Variants in DLGAP2 observed in about 807,000 individuals in gnomAD.
DLGAP2 encodes disks large-associated protein 2.
DLGAP2 carries 26 observed loss-of-function variants against 100.3 expected under a neutral mutation model. The ratio of observed to expected loss-of-function variants is 0.26; its 90% CI spans 0.19 to 0.36. The LOEUF is 0.36. Ranked by LOEUF, DLGAP2 falls within the 10% of genes least tolerant of loss-of-function variation. The pLI is 1.00. For missense variants in DLGAP2, 1,858 were observed against 1,453.2 expected, an observed-to-expected ratio of 1.28 and a Z score of -4.53; for synonymous variants, 886 against 630.1, an observed-to-expected ratio of 1.41 and a Z score of -6.08.
chr8:1,701,057 C>T, intron 14 of DLGAP2, 131 bp from the exon 15 acceptor site: 3 of 776,940 alleles, frequency 3.9e-6, no homozygotes, highest in Non-Finnish European at 6.1e-6. Flanking sequence ...AGACGGGGGA[C>T]GGGAGTGAAG....
At chr8:1,671,587 C>A (rs1488973697) in intron 10 of DLGAP2, among the ~76,000 whole-genome samples, 1 of 152,202 alleles carries the variant, frequency 6.6e-6, no homozygotes, top group East Asian at 1.9e-4. Flanking sequence ...CATTGCATGA[C>A]CTTTTACTAT....
intron 2 of DLGAP2, among the ~76,000 whole-genome samples, chr8:1,050,552 AC>A (rs776942366): frequency 6.6e-6 from 1 of 152,096 alleles, no homozygotes; most frequent in Non-Finnish European, 1.5e-5. Context: ...TTAGGAAGTA[AC>A]CCCATTATAA....
chr8:1,177,206 G>C (rs1019437531), intron 2 of DLGAP2, among the ~76,000 whole-genome samples: 7 of 152,124 alleles, frequency 4.6e-5, no homozygotes, highest in African/African-American at 1.4e-4. Context: ...TTTTCTTGCA[G>C]TTCAGCTATG....
At chr8:1,667,756 C>T (rs1265907903) in intron 8 of DLGAP2, among the ~76,000 whole-genome samples, 1 of 152,218 alleles carries the variant, frequency 6.6e-6, no homozygotes, top group African/African-American at 2.4e-5. Context: ...TGCTTCTGAA[C>T]CTAGTGTGAT....
chr8:1,278,201 G>A (rs573004600), intron 3 of DLGAP2, among the ~76,000 whole-genome samples: 62 of 152,270 alleles, frequency 4.1e-4, no homozygotes, highest in Non-Finnish European at 6.8e-4. Flanking sequence ...AGCTGTATGC[G>A]TCGGACAAGC....
intron 2 of DLGAP2, among the ~76,000 whole-genome samples, chr8:1,038,340 C>T (rs1802194549): frequency 6.6e-6 from 1 of 152,136 alleles, no homozygotes; most frequent in Non-Finnish European, 1.5e-5. Context: ...CCAGGAATGA[C>T]TGTGGGAGCC....
Position 826,965 on chromosome 8 carries a change from GA to G in DLGAP2, c.19-80945del, listed in dbSNP as rs760100083. ...CTAGAGGAGGTGTTTCAGAACTACA[GA>G]AGGGCTTACCCCATATCCATGGAGA... On this transcript the variant is annotated intron_variant, in intron 1 of 14. Coordinates refer to ENST00000637795, the MANE Select transcript of DLGAP2 (RefSeq NM_001346810.2). Among the ~76,000 whole-genome samples, 8 of 152,204 alleles carry G rather than the reference GA, an allele frequency of 5.3e-5. No homozygotes were observed. The East Asian group carries it at 1.3e-3, about 26-fold the overall frequency.
At chr8:757,137 G>A (rs1820941879) in intron 1 of DLGAP2, among the ~76,000 whole-genome samples, 2 of 151,970 alleles carry the variant, frequency 1.3e-5, no homozygotes, top group Admixed American at 6.6e-5. Context: ...TTTCCTCATT[G>A]CTCTCTGTCC....
chr8:1,436,160 C>T (rs1233123396), intron 3 of DLGAP2, among the ~76,000 whole-genome samples: 2 of 152,202 alleles, frequency 1.3e-5, no homozygotes, highest in Non-Finnish European at 2.9e-5. Context: ...CACAAGCCGT[C>T]TGCAAGCTGA....
At chr8:1,306,783 C>G (rs933016559) in intron 3 of DLGAP2, among the ~76,000 whole-genome samples, 1 of 152,106 alleles carries the variant, frequency 6.6e-6, no homozygotes, top group African/African-American at 2.4e-5. Flanking sequence ...GGTGCCAAGA[C>G]CATTCAATGG....
At chr8:1,505,268 A>G (rs1323494188) in intron 4 of DLGAP2, among the ~76,000 whole-genome samples, 1 of 152,250 alleles carries the variant, frequency 6.6e-6, no homozygotes, top group Non-Finnish European at 1.5e-5. Flanking sequence ...ATGCTATTAT[A>G]GTGAATGAGT....
chr8:1,367,352 T>C (rs1802132080), intron 3 of DLGAP2, among the ~76,000 whole-genome samples: 1 of 152,208 alleles, frequency 6.6e-6, no homozygotes, highest in South Asian at 2.1e-4. Flanking sequence ...TCAAACCTTT[T>C]AAGATTCTGC....
chr8:1,100,630 C>CT (rs1804548099), intron 2 of DLGAP2, among the ~76,000 whole-genome samples: 1 of 152,174 alleles, frequency 6.6e-6, no homozygotes, highest in African/African-American at 2.4e-5. Flanking sequence ...AGGTCACACA[C>CT]TTAGAAGTTG....
At chr8:754,074 A>C in intron 1 of DLGAP2, 2 of 152,314 alleles carry the variant, frequency 1.3e-5, no homozygotes, top group Middle Eastern at 6.8e-3. Context: ...TGAGGATGGA[A>C]CCGCACCGCT....
At chr8:1,337,425 G>A in intron 3 of DLGAP2, among the ~76,000 whole-genome samples, 1 of 111,638 alleles carries the variant, frequency 9.0e-6, no homozygotes, top group African/African-American at 2.8e-5. Context: ...TGAGGATGAT[G>A]GTGATGGTGA....
At chr8:790,165 A>G (rs1383907358) in intron 1 of DLGAP2, among the ~76,000 whole-genome samples, 7 of 152,186 alleles carry the variant, frequency 4.6e-5, no homozygotes, top group Non-Finnish European at 5.9e-5. Context: ...GGATCTCATC[A>G]GGGATTTGGA....
chr8:1,292,348 C>T (rs181042487), intron 3 of DLGAP2, among the ~76,000 whole-genome samples: 6 of 152,284 alleles, frequency 3.9e-5, no homozygotes, highest in Admixed American at 2.0e-4. Context: ...TGGATCATGT[C>T]AGAGTCCCAT....
At chr8:1,154,775 C>A (rs1796751159) in intron 2 of DLGAP2, among the ~76,000 whole-genome samples, 1 of 152,128 alleles carries the variant, frequency 6.6e-6, no homozygotes, top group African/African-American at 2.4e-5. Flanking sequence ...CCTCTATAGT[C>A]CTGCCGTCCA....
At position 743,246 on chromosome 8, in the gene DLGAP2, G is replaced by A. The variant is rs149820283; in HGVS notation, c.18+5421G>A. On this transcript the variant is annotated intron_variant, in intron 1 of 14. Coordinates refer to ENST00000637795, the MANE Select transcript of DLGAP2 (RefSeq NM_001346810.2). ...ATGGATGTAATTCTCTGGGCATCACGTTTGACACTGAGCTTCCAGGGAGTC... is the reference window on the plus strand; with the variant it reads ...ATGGATGTAATTCTCTGGGCATCACATTTGACACTGAGCTTCCAGGGAGTC... Among the ~76,000 whole-genome samples, 1,341 of 152,268 alleles carry A rather than the reference G, an allele frequency of 8.8e-3. 10 individuals are homozygous for A. Among genetic ancestry groups the A allele is most frequent in the Admixed American group, 0.021 (324 of 15,290 alleles).
Sources: gnomAD v4.1 joint callset for allele counts (sites outside exome capture counted in the v4.1 genomes callset) on GRCh38, gnomAD v4.1.1 for gene constraint, MANE v1.5 for transcripts, NCBI Gene and HGNC (gene_info 2026-07-23, HGNC 2026-07-21) for gene names.